SPATA13: variants seen among roughly 807,000 people sequenced by gnomAD.
SPATA13 encodes the protein spermatogenesis associated 13.
SPATA13 carries 50 observed loss-of-function variants against 104.0 expected under a neutral mutation model. The observed-to-expected ratio is 0.48, with a 90% CI of 0.38 to 0.61. The LOEUF is 0.61. Ranked by LOEUF, SPATA13 falls within the 20% of genes least tolerant of loss-of-function variation. The pLI, the probability that SPATA13 is intolerant of heterozygous loss-of-function variation, is 0.00. For missense variants in SPATA13, 1,524 were observed against 1,690.6 expected (o/e 0.90, Z 1.73); for synonymous variants, 606 against 667.5 (o/e 0.91, Z 1.42).
In SPATA13 at chr13:24,058,099, G is replaced by A. The variant is rs556414058; in HGVS notation, c.-112+40398G>A. Reference sequence around the variant, plus strand: ...TGGCCCCACACCTGATCCCACATTGGAGTGTTATGTCTTTGTATTTATTTA... The same window carrying A: ...TGGCCCCACACCTGATCCCACATTGAAGTGTTATGTCTTTGTATTTATTTA... On this transcript the variant is annotated intron_variant, in intron 3 of 14. Coordinates refer to the SPATA13 transcript ENST00000424834. 2.0e-5 allele frequency among the ~76,000 whole-genome samples: 3 copies of A among 151,926 alleles called. No individual in the cohort carries two copies. The South Asian group carries it at 6.3e-4, about 32-fold the overall frequency.
intron 1 of SPATA13, among the ~76,000 whole-genome samples, chr13:24,214,912 T>C (rs1179269726): frequency 6.6e-6 from 1 of 152,252 alleles, no homozygotes. Context: ...AGTCAGAATA[T>C]AGTACTTGCT....
intron 2 of SPATA13, among the ~76,000 whole-genome samples, chr13:24,231,079 G>A (rs1046387468): frequency 2.6e-5 from 4 of 152,068 alleles, no homozygotes; most frequent in Non-Finnish European, 2.9e-5. Context: ...GCTTCCCCAC[G>A]CCTTTTACCA....
In SPATA13 at chr13:24,222,974, C is replaced by G. The variant is rs1182050312; in HGVS notation, c.45C>G (p.Asn15Lys). 6.4e-7 allele frequency: 1 copy of G among 1,551,198 alleles called. No individual in the cohort carries two copies. The highest frequency in any genetic ancestry group is 1.4e-5 in the African/African-American group (1 of 73,056). Residue 15 changes from asparagine to lysine, a missense_variant, in exon 2 of 13, where the codon AAC becomes AAG. Around this residue, in one of 2 missense-constraint regions of SPATA13, gnomAD observed 1,089 missense variants for 1,135.9 expected, o/e 0.96. Coordinates refer to ENST00000382108, the MANE Select transcript of SPATA13 (RefSeq NM_001166271.3). ...AVRPWAPCLE[N>K]MTTAPNGLGP... ...GGCCCTGGGCACCCTGCCTGGAGAA[C>G]ATGACCACTGCCCCAAACGGCCTCG...
chr13:24,085,519 A>G (rs779675668), intron 3 of SPATA13, among the ~76,000 whole-genome samples: 5 of 152,186 alleles, frequency 3.3e-5, no homozygotes, highest in Non-Finnish European at 5.9e-5. Flanking sequence ...GGACAGCTGC[A>G]GGAACTGGGG....
intron 2 of SPATA13, among the ~76,000 whole-genome samples, chr13:24,003,909 A>G (rs1481733891): frequency 6.6e-6 from 1 of 152,098 alleles, no homozygotes; most frequent in Non-Finnish European, 1.5e-5. Flanking sequence ...GAACCAATAC[A>G]GCAGAAGTCC....
At chr13:24,019,087 A>C (rs12585225) in intron 3 of SPATA13, among the ~76,000 whole-genome samples, 5,387 of 138,178 alleles carry the variant, frequency 0.039, 143 homozygotes, top group Admixed American at 0.079. Context: ...TATTATTATT[A>C]TTATTATTTT....
chr13:23,984,662 C>T (rs1373034147), intron 2 of SPATA13, among the ~76,000 whole-genome samples: 2 of 152,204 alleles, frequency 1.3e-5, no homozygotes, highest in African/African-American at 4.8e-5. Context: ...CCTGGTGGAG[C>T]TTTTCCAAGG....
At chr13:24,102,481 T>C (rs1880289022) in intron 3 of SPATA13, among the ~76,000 whole-genome samples, 2 of 150,540 alleles carry the variant, frequency 1.3e-5, no homozygotes, top group Admixed American at 6.6e-5. Flanking sequence ...ATTTCTTTTT[T>C]TTTTTTTTTT....
At chr13:24,077,872 C>T (rs1879385925) in intron 3 of SPATA13, among the ~76,000 whole-genome samples, 1 of 152,172 alleles carries the variant, frequency 6.6e-6, no homozygotes, top group African/African-American at 2.4e-5. Flanking sequence ...CTGGTCTGCT[C>T]TGGGGCCCAC....
intron 2 of SPATA13, among the ~76,000 whole-genome samples, chr13:24,239,076 A>C (rs1423991182): frequency 6.6e-6 from 1 of 152,194 alleles, no homozygotes; most frequent in African/African-American, 2.4e-5. Flanking sequence ...AATCATGTGT[A>C]ATTAATAAAA....
chr13:24,294,943 T>A, intron 10 of SPATA13, 75 bp downstream of exon 10: 1 of 1,464,662 alleles, frequency 6.8e-7, no homozygotes. Flanking sequence ...AGATGCACTT[T>A]AATATCCTGT....
chr13:24,107,479 C>G (rs987361700), intron 3 of SPATA13, among the ~76,000 whole-genome samples: 1 of 152,120 alleles, frequency 6.6e-6, no homozygotes, highest in Non-Finnish European at 1.5e-5. Context: ...TACTTGCTTT[C>G]GACTTCAGCT....
chr13:24,223,319 G>A lies in SPATA13; in HGVS notation c.390G>A (p.Gly130=). The A allele has an allele frequency of 5.8e-6, 9 of 1,551,462 alleles. No individual in the cohort carries two copies. Among genetic ancestry groups the A allele is most frequent in the Non-Finnish European group, 7.8e-6 (9 of 1,146,996 alleles). Residue 130 remains glycine (G), a synonymous_variant, in exon 2 of 13, where the codon GGG becomes GGA. Transcript: ENST00000382108. ...SVLKGIQSRE[G]SNACSKGEAS... The stretch of plus-strand genomic sequence containing the variant: ...TGAAAGGAATTCAGAGCCGAGAGGG[G>A]TCAAATGCCTGTTCAAAGGGAGAGG...
chr13:24,142,739 C>T (rs895310548), intron 3 of SPATA13, among the ~76,000 whole-genome samples: 2 of 152,092 alleles, frequency 1.3e-5, no homozygotes, highest in African/African-American at 2.4e-5. Flanking sequence ...TTCTCCTTCT[C>T]CTTCTCCTGG....
At position 24,149,690 on chromosome 13, in the gene SPATA13, G is replaced by A. The variant is rs759616309; in HGVS notation, c.-111-73129G>A. ...ATCACTGGAAATGGCTGATGGGGGC[G>A]GGAAAGCTCCCACCCATGTGGGGAA... On this transcript the variant is annotated intron_variant, in intron 3 of 14. Coordinates refer to the SPATA13 transcript ENST00000424834. 8.5e-5 allele frequency among the ~76,000 whole-genome samples: 13 copies of A among 152,306 alleles called. No homozygotes were observed. In the East Asian group the frequency reaches 1.7e-3, roughly 20 times the overall value.
intron 1 of SPATA13, among the ~76,000 whole-genome samples, chr13:24,174,415 G>T (rs1883130920): frequency 6.6e-6 from 1 of 151,292 alleles, no homozygotes; most frequent in African/African-American, 2.4e-5. Flanking sequence ...TGAAGTGGGA[G>T]ATTAGATTGA....
upstream of SPATA13, among the ~76,000 whole-genome samples, chr13:24,159,245 A>G (rs1472195317): frequency 1.3e-5 from 2 of 152,168 alleles, no homozygotes; most frequent in African/African-American, 2.4e-5. Flanking sequence ...AGCCTCACAT[A>G]CTATGTTTCT....
At chr13:24,295,840 A>C (rs12865567) in intron 10 of SPATA13, among the ~76,000 whole-genome samples, 16,501 of 152,128 alleles carry the variant, frequency 0.11, 1,030 homozygotes, top group African/African-American at 0.16. Flanking sequence ...TATTATACCC[A>C]TTTAACAGAT....
At chr13:24,209,312 A>G (rs1870886710) in intron 1 of SPATA13, among the ~76,000 whole-genome samples, 1 of 152,184 alleles carries the variant, frequency 6.6e-6, no homozygotes, top group Non-Finnish European at 1.5e-5. Flanking sequence ...CTTTAATTTC[A>G]TTTCATTTTT....
Sources: gnomAD v4.1 joint callset for allele counts (sites outside exome capture counted in the v4.1 genomes callset) on GRCh38, gnomAD v4.1.1 for gene constraint, gnomAD v4.1.1 regional missense constraint, MANE v1.5 for transcripts, NCBI Gene and HGNC (gene_info 2026-07-23, HGNC 2026-07-21) for gene names.